Variants in NXPH2 observed in about 807,000 individuals in gnomAD.
NXPH2 encodes neurexophilin-2.
NXPH2 carries 5 observed loss-of-function variants against 19.8 expected under a neutral mutation model. The observed-to-expected ratio is 0.25, with a 90% CI of 0.13 to 0.53. The LOEUF (loss-of-function observed/expected upper bound fraction) is 0.53. Ranked by LOEUF, NXPH2 falls within the 20% of genes least tolerant of loss-of-function variation. The pLI, the probability that NXPH2 is intolerant of heterozygous loss-of-function variation, is 0.96. For synonymous variants in NXPH2, 154 were observed against 127.4 expected (o/e 1.21, Z -1.41); for missense variants, 289 against 322.8 (o/e 0.90, Z 0.80).
chr2:138,680,352 T>C (rs1445571529), intron 1 of NXPH2, among the ~76,000 whole-genome samples: 1 of 152,198 alleles, frequency 6.6e-6, no homozygotes, highest in Non-Finnish European at 1.5e-5. Flanking sequence ...AGGAGGTGAA[T>C]ACTGCACCCC....
chr2:138,709,367 G>T (rs1053367870), intron 1 of NXPH2, among the ~76,000 whole-genome samples: 1 of 152,086 alleles, frequency 6.6e-6, no homozygotes, highest in African/African-American at 2.4e-5. Flanking sequence ...ATTATTAACA[G>T]ACTTTATTTT....
At chr2:138,707,863 CCT>C (rs1491247772) in intron 1 of NXPH2, among the ~76,000 whole-genome samples, 1 of 151,844 alleles carries the variant, frequency 6.6e-6, no homozygotes, top group Non-Finnish European at 1.5e-5. Flanking sequence ...CCAATAGGTC[CCT>C]CTCTCTCTAA....
At chr2:138,772,696 A>G (rs1682199001) in intron 1 of NXPH2, among the ~76,000 whole-genome samples, 1 of 152,202 alleles carries the variant, frequency 6.6e-6, no homozygotes, top group Non-Finnish European at 1.5e-5. Flanking sequence ...AGCTAAGATG[A>G]ATGAATTAAG....
At chr2:138,740,099 T>C (rs898968207) in intron 1 of NXPH2, among the ~76,000 whole-genome samples, 2 of 152,088 alleles carry the variant, frequency 1.3e-5, no homozygotes, top group African/African-American at 4.8e-5. Flanking sequence ...GACTGGCCCA[T>C]GCTGGGGTCA....
chr2:138,709,779 T>C (rs1681069157), intron 1 of NXPH2, among the ~76,000 whole-genome samples: 1 of 152,232 alleles, frequency 6.6e-6, no homozygotes, highest in South Asian at 2.1e-4. Flanking sequence ...TATTTTCAGA[T>C]CAGTGTCTTA....
intron 1 of NXPH2, among the ~76,000 whole-genome samples, chr2:138,767,093 T>A (rs1044525138): frequency 6.6e-6 from 1 of 152,230 alleles, no homozygotes; most frequent in Non-Finnish European, 1.5e-5. Flanking sequence ...TGATTTTAGT[T>A]CATCAATATT....
At chr2:138,700,775 G>A (rs1043328319) in intron 1 of NXPH2, among the ~76,000 whole-genome samples, 24 of 151,782 alleles carry the variant, frequency 1.6e-4, no homozygotes, top group Non-Finnish European at 1.0e-4. Flanking sequence ...GAGAGATTTC[G>A]CTTTACATTT....
Position 138,780,254 on chromosome 2 carries a change from C to A in NXPH2, c.-13G>T, listed in dbSNP as rs764245126. 4.2e-6 allele frequency: 6 copies of A among 1,424,686 alleles called. No individual in the cohort carries two copies. The highest frequency in any genetic ancestry group is 3.0e-5 in the African/African-American group (2 of 66,328). The allele number at this position is 1,424,686 out of a possible 1,614,324, so 88.3% of individuals were successfully genotyped here. On this transcript the variant is annotated 5_prime_UTR_variant, in exon 1 of 2. Coordinates refer to ENST00000272641, the MANE Select transcript of NXPH2 (RefSeq NM_007226.3). ...GCCGCAGGCGCATGGTGCCGGCTGG[C>A]GCGGCTTTTCACGAGCTGCGCGCCC...
chr2:138,756,956 A>G (rs983442510), intron 1 of NXPH2, among the ~76,000 whole-genome samples: 3 of 152,224 alleles, frequency 2.0e-5, no homozygotes, highest in Non-Finnish European at 4.4e-5. Context: ...GCAAAGTAAC[A>G]TAACACTGTC....
intron 1 of NXPH2, among the ~76,000 whole-genome samples, chr2:138,711,430 C>T (rs535307004): frequency 2.7e-4 from 41 of 152,178 alleles, no homozygotes; most frequent in Admixed American, 2.2e-3. Flanking sequence ...CGTGAGCCAC[C>T]GCGCCCGGCC....
intron 1 of NXPH2, among the ~76,000 whole-genome samples, chr2:138,736,434 C>G (rs1040212848): frequency 2.4e-4 from 36 of 152,350 alleles, no homozygotes; most frequent in African/African-American, 7.5e-4. Context: ...ATGGTCCACG[C>G]TCTACATTTG....
chr2:138,686,856 TCCATGTC>T (rs1247464488), intron 1 of NXPH2, among the ~76,000 whole-genome samples: 2 of 152,178 alleles, frequency 1.3e-5, no homozygotes, highest in African/African-American at 2.4e-5. Context: ...TCCAGCTTCA[TCCATGTC>T]CCTACAAAGG....
At chr2:138,748,382 T>C (rs888637321) in intron 1 of NXPH2, among the ~76,000 whole-genome samples, 2 of 152,200 alleles carry the variant, frequency 1.3e-5, no homozygotes, top group Non-Finnish European at 2.9e-5. Context: ...CAGGTCAGCA[T>C]TGCAATGAGG....
chr2:138,726,261 T>A (rs953194464), intron 1 of NXPH2, among the ~76,000 whole-genome samples: 1 of 152,088 alleles, frequency 6.6e-6, no homozygotes, highest in African/African-American at 2.4e-5. Context: ...GCCAGGCTGG[T>A]CTTGAACTCC....
intron 1 of NXPH2, among the ~76,000 whole-genome samples, chr2:138,749,223 G>A (rs1573976882): frequency 6.6e-6 from 1 of 152,054 alleles, no homozygotes; most frequent in Admixed American, 6.6e-5. Flanking sequence ...TCTCTCTCCT[G>A]CTGCCATGTG....
At chr2:138,726,258 T>C (rs1029258278) in intron 1 of NXPH2, among the ~76,000 whole-genome samples, 4 of 152,080 alleles carry the variant, frequency 2.6e-5, no homozygotes, top group Admixed American at 6.6e-5. Context: ...TTGGCCAGGC[T>C]GGTCTTGAAC....
intron 1 of NXPH2, among the ~76,000 whole-genome samples, chr2:138,720,036 T>G (rs193010092): frequency 1.3e-5 from 2 of 152,118 alleles, no homozygotes; most frequent in Non-Finnish European, 2.9e-5. Context: ...CTTGCATTTA[T>G]TTTTCCATAT....
intron 1 of NXPH2, among the ~76,000 whole-genome samples, chr2:138,757,000 A>G (rs963465017): frequency 6.6e-6 from 1 of 152,186 alleles, no homozygotes; most frequent in Non-Finnish European, 1.5e-5. Context: ...CCATCTATAC[A>G]ATCTGAAGTA....
chr2:138,677,702 T>TCACAAATA (rs1478035799), intron 1 of NXPH2, among the ~76,000 whole-genome samples: 1 of 152,230 alleles, frequency 6.6e-6, no homozygotes, highest in Non-Finnish European at 1.5e-5. Context: ...GTAGCAGATG[T>TCACAAATA]GAGACCTGTC....
Sources: gnomAD v4.1 joint callset for allele counts (sites outside exome capture counted in the v4.1 genomes callset) on GRCh38, gnomAD v4.1.1 for gene constraint, MANE v1.5 for transcripts, NCBI Gene and HGNC (gene_info 2026-07-23, HGNC 2026-07-21) for gene names.